Variants in GFM2 observed in about 807,000 individuals in gnomAD.
GFM2 encodes the protein GTP dependent ribosome recycling factor mitochondrial 2.
Under a neutral mutation model 95.4 loss-of-function variants are expected in GFM2, and 72 were observed. The observed-to-expected ratio is 0.76, with a 90% CI of 0.62 to 0.92. The LOEUF (loss-of-function observed/expected upper bound fraction) is 0.92. Among genes scored for constraint, GFM2 ranks in the 40% least tolerant of loss-of-function variants. The probability of loss-of-function intolerance (pLI) is 0.00; values close to 1 mark genes in which losing one functional copy is unlikely to be tolerated. For synonymous variants in GFM2, 276 were observed against 317.5 expected (o/e 0.87, Z 1.39); for missense variants, 825 against 924.1 (o/e 0.89, Z 1.39).
rs751354498 is a variant in GFM2, at chr5:74,721,289, C to G, written c.*366G>C. 1 of 895,132 alleles carries G rather than the reference C, an allele frequency of 1.1e-6. No homozygotes were observed. Among genetic ancestry groups the G allele is most frequent in the Non-Finnish European group, 1.8e-6 (1 of 545,124 alleles). The allele number at this position is 895,132 out of a possible 1,614,324, so 55.4% of individuals were successfully genotyped here. A position where few individuals can be genotyped will look rare whatever the true frequency, so the allele number is the denominator to read the frequency against. On this transcript the variant is annotated 3_prime_UTR_variant, in exon 21 of 21. Coordinates refer to ENST00000296805, the MANE Select transcript of GFM2 (RefSeq NM_032380.5). ...GAATAAAATATTTTTATTGATTGAACCTTTGACCCTCTATCTTATTACATT... is the reference window on the plus strand; with the variant it reads ...GAATAAAATATTTTTATTGATTGAAGCTTTGACCCTCTATCTTATTACATT...
At chr5:74,730,578 A>G in intron 16 of GFM2, 180 bp from the exon 17 acceptor site, 4 of 419,762 alleles carry the variant, frequency 9.5e-6, no homozygotes, top group African/African-American at 2.0e-5. Flanking sequence ...GACTGGAATA[A>G]TGAATCAATA....
intron 5 of GFM2, among the ~76,000 whole-genome samples, chr5:74,758,592 CTG>C (rs750271415): frequency 2.0e-5 from 3 of 152,216 alleles, no homozygotes; most frequent in Admixed American, 6.5e-5. Flanking sequence ...TGTTGGTAAG[CTG>C]TGGTTCCTGT....
chr5:74,721,547 G>A lies in GFM2; in HGVS notation c.*108C>T. ...ATATCTTTTATCTAGTTCTCTGAAT[G>A]TACTGAAACAGTACTTTATTCGTCC... is the stretch of plus-strand genomic sequence containing the variant. On this transcript the variant is annotated 3_prime_UTR_variant, in exon 21 of 21. Transcript: ENST00000296805. The A allele has an allele frequency of 8.5e-7, 1 of 1,175,858 alleles. No homozygotes were observed. The highest frequency in any genetic ancestry group is 1.2e-6 in the Non-Finnish European group (1 of 804,174). The allele number at this position is 1,175,858 out of a possible 1,614,324, so 72.8% of individuals were successfully genotyped here.
chr5:74,730,326 C>A lies in GFM2; in HGVS notation c.1660G>T (p.Glu554Ter), dbSNP rs202156972. ...ACCTGGAGAGGCCCGAGATAGGTCT[C>A]CAGTCCATATTCCCTCTTGATTCGA... The part of the protein sequence containing the change: ...HDRIKREYGL[E>*]TYLGPLQVAY... Residue 554 changes from glutamate (E) to a stop codon, truncating the protein, a stop_gained, in exon 17 of 21, where the codon GAG becomes TAG. Transcript: ENST00000296805. LOFTEE classifies it high-confidence loss of function. 2.5e-6 allele frequency: 4 copies of A among 1,612,956 alleles called. No homozygotes were observed. The highest frequency in any genetic ancestry group is 3.4e-6 in the Non-Finnish European group (4 of 1,179,140).
intron 16 of GFM2, among the ~76,000 whole-genome samples, chr5:74,732,128 A>ATTTTTTTTTTTTTTTTTTTTTTTTT (rs533165001): frequency 1.2e-5 from 1 of 85,440 alleles, no homozygotes; most frequent in Non-Finnish European, 2.3e-5. Flanking sequence ...CTAATTTTTA[A>ATTTTTTTTTTTTTTTTTTTTTTTTT]TTTTTTTTTT....
intron 12 of GFM2, among the ~76,000 whole-genome samples, chr5:74,739,461 T>A (rs1743003803): frequency 6.6e-6 from 1 of 152,156 alleles, no homozygotes. Context: ...CTCTTCACCA[T>A]CATGCCTCTC....
rs779107967 is a variant in GFM2, at chr5:74,758,855, G to A, written c.298C>T (p.Leu100=). ...AGGAGGAATCCATTCTAACCTCCCA[G>A]TGATCTTGTATATCCGGAATAGTAC... ...ILYYSGYTRS[L]GDVDDGDTVT... The change falls in exon 5 of 21, where the codon CTG becomes TTG. Residue 100 remains leucine, a synonymous_variant. Coordinates refer to ENST00000296805, the MANE Select transcript of GFM2 (RefSeq NM_032380.5). 1.9e-5 allele frequency: 30 copies of A among 1,586,980 alleles called. No homozygotes were observed. The East Asian group carries it at 6.3e-4, about 33-fold the overall frequency.
rs533805760 is a variant in GFM2 at position 74,754,208 on chromosome 5, A to G, written c.305-2715T>C. Among the ~76,000 whole-genome samples the G allele has an allele frequency of 2.0e-5, 3 of 152,248 alleles. No homozygotes were observed. In the East Asian group the frequency reaches 5.8e-4, roughly 29 times the overall value. ...AAGCCAGCACTACAAGAACTACTAAAAGCAGCTCTAAATCCTGAAACAAAT... is the reference window on the plus strand; with the variant it reads ...AAGCCAGCACTACAAGAACTACTAAGAGCAGCTCTAAATCCTGAAACAAAT... On this transcript the variant is annotated intron_variant, in intron 5 of 20. Transcript: ENST00000296805.
intron 15 of GFM2, among the ~76,000 whole-genome samples, chr5:74,734,247 T>C (rs529182251): frequency 1.3e-5 from 2 of 152,166 alleles, no homozygotes; most frequent in South Asian, 4.1e-4. Flanking sequence ...ATCTCAGTAA[T>C]ATTAATAATT....
At chr5:74,732,919 A>G in intron 16 of GFM2, 103 bp downstream of exon 16, 1 of 588,964 alleles carries the variant, frequency 1.7e-6, no homozygotes, top group Admixed American at 2.7e-5. Flanking sequence ...CACAGACTTA[A>G]TGTTTTAGAC....
At chr5:74,765,864 T>A (rs1196405293) in intron 1 of GFM2, among the ~76,000 whole-genome samples, 1 of 151,908 alleles carries the variant, frequency 6.6e-6, no homozygotes, top group Non-Finnish European at 1.5e-5. Flanking sequence ...CTGGGTGTGG[T>A]GGCGAGCGCC....
At chr5:74,721,816 CA>C (rs1305880593) in intron 20 of GFM2, 33 bp from the exon 21 acceptor site, 1 of 1,570,356 alleles carries the variant, frequency 6.4e-7, no homozygotes, top group Non-Finnish European at 8.6e-7. Context: ...TTTATATTAT[CA>C]AATTTAAGCC....
At chr5:74,745,602 G>C in intron 10 of GFM2, 76 bp downstream of exon 10, 1 of 1,248,974 alleles carries the variant, frequency 8.0e-7, no homozygotes, top group Non-Finnish European at 1.1e-6. Context: ...ATCCCCGAGA[G>C]ATGCTAAAGT....
intron 10 of GFM2, among the ~76,000 whole-genome samples, chr5:74,742,657 GT>G (rs1743170214): frequency 6.7e-6 from 1 of 149,580 alleles, no homozygotes; most frequent in African/African-American, 2.5e-5. Flanking sequence ...ACAACATAAA[GT>G]TTACCATTGT....
intron 7 of GFM2, among the ~76,000 whole-genome samples, chr5:74,749,176 G>T (rs1458578901): frequency 6.6e-6 from 1 of 151,580 alleles, no homozygotes; most frequent in African/African-American, 2.4e-5. Context: ...ACCACACCCA[G>T]CTAATTTTTT....
Position 74,758,893 on chromosome 5 carries a change from G to T in GFM2, c.260C>A (p.Thr87Lys), listed in dbSNP as rs1207927714. The change falls in exon 5 of 21, where the codon ACA (threonine) becomes AAA (lysine). Residue 87 changes from threonine (T) to lysine (K), a missense_variant. By Grantham distance (78) the Thr-to-Lys change is moderately conservative (BLOSUM62 -1). Transcript: ENST00000296805. ...AHIDAGKTTT[T>K]ERILYYSGYT... ...TCCGGAATAGTACAATATTCTTTCT[G>T]TGGTGGTAGTTTTGCCTGCATCAAT... The T allele has an allele frequency of 4.3e-6, 7 of 1,610,298 alleles. No homozygotes were observed. The highest frequency in any genetic ancestry group is 5.9e-6 in the Non-Finnish European group (7 of 1,176,616).
chr5:74,738,680 A>G (rs561517778), intron 12 of GFM2, 38 bp from the exon 13 acceptor site: 3 of 1,560,648 alleles, frequency 1.9e-6, no homozygotes, highest in African/African-American at 1.4e-5. Flanking sequence ...TATAAAATAC[A>G]CTTCCCATAA....
At chr5:74,749,759 T>A (rs1186085432) in intron 7 of GFM2, among the ~76,000 whole-genome samples, 2 of 152,226 alleles carry the variant, frequency 1.3e-5, no homozygotes, top group Non-Finnish European at 2.9e-5. Flanking sequence ...CTATTCCTTG[T>A]GTTTTTAATT....
chr5:74,728,325 GA>G (rs979547215), intron 17 of GFM2, among the ~76,000 whole-genome samples: 40 of 151,086 alleles, frequency 2.6e-4, no homozygotes, highest in Admixed American at 1.7e-3. Context: ...CAATAAACTA[GA>G]AAAAAAAGTT....
Sources: gnomAD v4.1 joint callset for allele counts (sites outside exome capture counted in the v4.1 genomes callset) on GRCh38, gnomAD v4.1.1 for gene constraint, MANE v1.5 for transcripts, NCBI Gene and HGNC (gene_info 2026-07-23, HGNC 2026-07-21) for gene names.